Variants in ZMYM5 observed in about 807,000 individuals in gnomAD.
ZMYM5 encodes the protein zinc finger MYM-type containing 5, also known as zinc finger MYM-type protein 5.
In ZMYM5, 41 loss-of-function variants were observed where a neutral mutation model predicts 61.8. That is an observed-to-expected ratio of 0.66 (90% CI 0.52 to 0.86). The LOEUF is 0.86. Among genes scored for constraint, ZMYM5 ranks in the 40% least tolerant of loss-of-function variants. The probability of loss-of-function intolerance (pLI) is 0.00; values close to 1 mark genes in which losing one functional copy is unlikely to be tolerated. For missense variants in ZMYM5, 706 were observed against 786.7 expected (o/e 0.90, Z 1.23); for synonymous variants, 257 against 276.4 (o/e 0.93, Z 0.70).
At chr13:19,842,960 C>CAAAAA (rs753799756) in intron 4 of ZMYM5, among the ~76,000 whole-genome samples, 1 of 77,734 alleles carries the variant, frequency 1.3e-5, no homozygotes, top group Non-Finnish European at 2.3e-5. Flanking sequence ...AACTCCATCT[C>CAAAAA]AAAAAAAAAA....
Position 19,851,422 on chromosome 13 carries a change from G to A in ZMYM5, c.519C>T (p.Asn173=). The A allele has an allele frequency of 6.2e-7, 1 of 1,614,062 alleles. No homozygotes were observed. Among genetic ancestry groups the A allele is most frequent in the Non-Finnish European group, 8.5e-7 (1 of 1,179,998 alleles). The change falls in exon 4 of 8, where the codon AAC becomes AAT. Residue 173 remains asparagine, a synonymous_variant. Coordinates refer to ENST00000337963, the MANE Select transcript of ZMYM5 (RefSeq NM_001142684.2). ...CTCCTGCCACATTCATTCTACCAGG[G>A]TTAAAAGGTCTTACTCCAGTCTTGG... is the stretch of plus-strand genomic sequence containing the variant. ...SKTKTGVRPF[N]PGRMNVAGDL...
At chr13:19,833,742 A>G (rs1445635817) in intron 7 of ZMYM5, among the ~76,000 whole-genome samples, 1 of 152,246 alleles carries the variant, frequency 6.6e-6, no homozygotes, top group East Asian at 1.9e-4. Flanking sequence ...AGAGAAGCAA[A>G]TAATAAATAG....
chr13:19,838,593 T>G, intron 5 of ZMYM5, 107 bp downstream of exon 5: 10 of 1,386,708 alleles, frequency 7.2e-6, no homozygotes, highest in Non-Finnish European at 8.9e-6. Flanking sequence ...AAGACACTCC[T>G]GCAACAATTC....
At chr13:19,858,004 C>A (rs1418046351) in intron 2 of ZMYM5, among the ~76,000 whole-genome samples, 11 of 151,286 alleles carry the variant, frequency 7.3e-5, no homozygotes, top group South Asian at 2.1e-4. Context: ...CAGAGCAAGA[C>A]CCTGTCTCAA....
intron 6 of ZMYM5, among the ~76,000 whole-genome samples, chr13:19,836,719 C>A (rs1952685496): frequency 6.6e-6 from 1 of 152,156 alleles, no homozygotes; most frequent in Non-Finnish European, 1.5e-5. Context: ...TCTGTATAAC[C>A]AGAAGCAGGG....
At chr13:19,840,994 C>CTTTTT (rs377117105) in intron 4 of ZMYM5, among the ~76,000 whole-genome samples, 1 of 136,744 alleles carries the variant, frequency 7.3e-6, no homozygotes, top group Non-Finnish European at 1.6e-5. Context: ...CCACTTTTTA[C>CTTTTT]TTTTTTTTTT....
At chr13:19,848,108 C>T (rs144369576) in intron 4 of ZMYM5, among the ~76,000 whole-genome samples, 2 of 152,060 alleles carry the variant, frequency 1.3e-5, no homozygotes, top group African/African-American at 4.8e-5. Flanking sequence ...GTAGCTGTGA[C>T]TGCAGGAGCA....
intron 4 of ZMYM5, among the ~76,000 whole-genome samples, chr13:19,844,405 G>C (rs59114669): frequency 6.6e-6 from 1 of 152,178 alleles, no homozygotes; most frequent in African/African-American, 2.4e-5. Context: ...ACACAACCTA[G>C]AGATTGCAAG....
Position 19,861,756 on chromosome 13 carries a change from C to A in ZMYM5, c.-11+643G>T, listed in dbSNP as rs540261646. 2.6e-5 allele frequency among the ~76,000 whole-genome samples: 4 copies of A among 151,502 alleles called. No individual in the cohort carries two copies. The East Asian group carries it at 7.7e-4, about 29-fold the overall frequency. The stretch of plus-strand genomic sequence containing the variant: ...GTCACTCCTAATGAAATTATTCACA[C>A]AAGGATTGGTGTTAAAAGCATTAAG... On this transcript the variant is annotated intron_variant, in intron 2 of 7. Coordinates refer to ENST00000337963, the MANE Select transcript of ZMYM5 (RefSeq NM_001142684.2).
At chr13:19,851,641 CAG>C in intron 3 of ZMYM5, 46 bp downstream of exon 3, 1 of 1,548,662 alleles carries the variant, frequency 6.5e-7, no homozygotes, top group East Asian at 2.2e-5. Context: ...TAATGTATTT[CAG>C]AGTCAATTCT....
chr13:19,840,336 A>C (rs1952823284), intron 4 of ZMYM5, among the ~76,000 whole-genome samples: 1 of 152,196 alleles, frequency 6.6e-6, no homozygotes, highest in South Asian at 2.1e-4. Context: ...GTAACAAGGC[A>C]AAACCCCATC....
intron 7 of ZMYM5, among the ~76,000 whole-genome samples, chr13:19,830,645 T>C (rs1891157228): frequency 6.6e-6 from 1 of 151,414 alleles, no homozygotes; most frequent in Non-Finnish European, 1.5e-5. Flanking sequence ...GCGATTCTCC[T>C]GCCTCAGCCG....
chr13:19,858,090 G>T (rs1953577048), intron 2 of ZMYM5, among the ~76,000 whole-genome samples: 1 of 151,840 alleles, frequency 6.6e-6, no homozygotes, highest in Non-Finnish European at 1.5e-5. Flanking sequence ...CCAGCTACTT[G>T]GGAGACTGAG....
chr13:19,862,685 G>A (rs1225430645), intron 1 of ZMYM5, among the ~76,000 whole-genome samples: 1 of 152,230 alleles, frequency 6.6e-6, no homozygotes, highest in African/African-American at 2.4e-5. Context: ...TGCAGTACTG[G>A]GGATGCAGTG....
rs1890792892 is a variant in ZMYM5, at chr13:19,824,160, C to G, written c.*317G>C. 3 of 156,590 alleles carry G rather than the reference C, an allele frequency of 1.9e-5. No homozygotes were observed. In the Admixed American group the frequency reaches 2.0e-4, roughly 10 times the overall value. The allele number at this position is 156,590 out of a possible 1,614,324, so 9.7% of individuals were successfully genotyped here. A position where few individuals can be genotyped will look rare whatever the true frequency, so the allele number is the denominator to read the frequency against. On this transcript the variant is annotated 3_prime_UTR_variant, in exon 8 of 8. Transcript: ENST00000337963. ...GGCCAAGAACAGAATATTAACCAAA[C>G]CCATCAAATGGCAGTCATTAAATGC...
At chr13:19,834,912 A>T (rs1286330678) in intron 7 of ZMYM5, among the ~76,000 whole-genome samples, 1 of 151,262 alleles carries the variant, frequency 6.6e-6, no homozygotes, top group Admixed American at 6.6e-5. Flanking sequence ...TGGTTTCAAA[A>T]TCCTGGCCCC....
intron 4 of ZMYM5, among the ~76,000 whole-genome samples, chr13:19,848,726 G>T (rs909815181): frequency 1.3e-5 from 2 of 151,858 alleles, no homozygotes; most frequent in African/African-American, 4.8e-5. Context: ...GTAGAGATGG[G>T]GTTTCACCAC....
At position 19,837,833 on chromosome 13, in the gene ZMYM5, G is replaced by GTA; in HGVS notation, c.873-13_873-12insTA. 2 of 1,574,854 alleles carry GTA rather than the reference G, an allele frequency of 1.3e-6. No homozygotes were observed. The highest frequency in any genetic ancestry group is 4.6e-5 in the East Asian group (2 of 43,734). On this transcript the variant is annotated splice_polypyrimidine_tract_variant and intron_variant, in intron 5 of 7. Transcript: ENST00000337963. ...TTGTAGATGCATCTCTGAAACAGAA[G>GTA]GGATAGACACATAATTTAAGAACAC...
intron 4 of ZMYM5, among the ~76,000 whole-genome samples, chr13:19,841,270 T>C (rs146996494): frequency 1.3e-5 from 2 of 152,268 alleles, no homozygotes; most frequent in East Asian, 1.9e-4. Flanking sequence ...CCTATTTTTA[T>C]ATGAAAAATT....
Sources: gnomAD v4.1 joint callset for allele counts (sites outside exome capture counted in the v4.1 genomes callset) on GRCh38, gnomAD v4.1.1 for gene constraint, MANE v1.5 for transcripts, NCBI Gene and HGNC (gene_info 2026-07-23, HGNC 2026-07-21) for gene names.